The following SCRN1 variants were observed in gnomAD, a reference collection of about 807,000 sequenced individuals.
The protein encoded by SCRN1 is secernin-1.
In SCRN1, 19 loss-of-function variants were observed where a neutral mutation model predicts 43.3. That is an observed-to-expected ratio of 0.44 (90% confidence interval 0.31 to 0.64). The LOEUF is 0.64. Ranked by LOEUF, SCRN1 falls within the 30% of genes least tolerant of loss-of-function variation. SCRN1 has a pLI of 0.09. For missense variants in SCRN1, 447 were observed against 524.1 expected (o/e 0.85, Z 1.44); for synonymous variants, 183 against 188.9 (o/e 0.97, Z 0.26).
intron 6 of SCRN1, among the ~76,000 whole-genome samples, chr7:29,929,973 A>G (rs1787104692): frequency 6.6e-6 from 1 of 151,920 alleles, no homozygotes; most frequent in African/African-American, 2.4e-5. Context: ...GAGAAGAGAT[A>G]CCATAAGTTT....
intron 5 of SCRN1, among the ~76,000 whole-genome samples, chr7:29,940,000 A>T (rs75155421): frequency 6.6e-6 from 1 of 151,946 alleles, no homozygotes; most frequent in African/African-American, 2.4e-5. Context: ...AAAAAAAAAA[A>T]TTAGCCAGAA....
intron 2 of SCRN1, among the ~76,000 whole-genome samples, chr7:29,961,058 C>CT (rs200892857): frequency 3.3e-3 from 434 of 131,638 alleles, no homozygotes; most frequent in African/African-American, 7.9e-3. Flanking sequence ...GATCTTATTT[C>CT]TTTTTTTTTT....
At chr7:29,945,908 G>C (rs1183012796) in intron 3 of SCRN1, among the ~76,000 whole-genome samples, 1 of 152,294 alleles carries the variant, frequency 6.6e-6, no homozygotes, top group African/African-American at 2.4e-5. Flanking sequence ...TACTACAATG[G>C]TGGTACAAGC....
intron 1 of SCRN1, among the ~76,000 whole-genome samples, chr7:29,972,046 C>T (rs375281234): frequency 1.3e-5 from 2 of 152,156 alleles, no homozygotes; most frequent in Admixed American, 6.5e-5. Context: ...CCCATTTTCA[C>T]AAAAACGGCT....
At chr7:29,966,672 G>A (rs554688438) in intron 2 of SCRN1, among the ~76,000 whole-genome samples, 3 of 152,240 alleles carry the variant, frequency 2.0e-5, no homozygotes, top group Non-Finnish European at 2.9e-5. Flanking sequence ...TCACCTATAC[G>A]AAAGGAAAAT....
At chr7:29,988,560 T>G (rs1046792017) in intron 1 of SCRN1, 1 of 152,488 alleles carries the variant, frequency 6.6e-6, no homozygotes, top group Admixed American at 6.5e-5. Flanking sequence ...GCCTGGCCTA[T>G]TTTTCATGCT....
intron 2 of SCRN1, among the ~76,000 whole-genome samples, chr7:29,959,955 GGGGA>G (rs1473013569): frequency 6.7e-6 from 1 of 148,426 alleles, no homozygotes; most frequent in African/African-American, 2.5e-5. Flanking sequence ...AAGAAAGTGG[GGGGA>G]GGGAGGGAGG....
chr7:29,945,530 G>T (rs1443734658), intron 3 of SCRN1, among the ~76,000 whole-genome samples: 1 of 152,194 alleles, frequency 6.6e-6, no homozygotes, highest in Admixed American at 6.5e-5. Flanking sequence ...TTTAGTTGTT[G>T]TAAGAGTAGG....
At chr7:29,974,723 G>A (rs1386520240) in intron 1 of SCRN1, among the ~76,000 whole-genome samples, 7 of 137,746 alleles carry the variant, frequency 5.1e-5, no homozygotes, top group African/African-American at 1.7e-4. Flanking sequence ...TTGCTCTGTC[G>A]CCCAGGCTGG....
chr7:29,982,092 A>G (rs1398565124), intron 1 of SCRN1, among the ~76,000 whole-genome samples: 1 of 152,180 alleles, frequency 6.6e-6, no homozygotes, highest in African/African-American at 2.4e-5. Flanking sequence ...GGGCTCTTCC[A>G]TTGGTTTGTT....
intron 2 of SCRN1, among the ~76,000 whole-genome samples, chr7:29,966,137 C>T (rs10235551): frequency 1.7e-5 from 1 of 60,270 alleles, no homozygotes; most frequent in Admixed American, 1.5e-4. Context: ...GAGAGAGAGA[C>T]AGAGAGAGAG....
chr7:29,936,645 G>A lies in SCRN1; in HGVS notation c.816C>T (p.Phe272=). ...CAGACACTCCACTGGCTGTGGTGAG[G>A]AAAAACTCAGAGTCTATGCACACTC... ...ASGVCIDSEF[F]LTTASGVSVL... is the part of the protein sequence containing the mutation. Residue 272 remains phenylalanine (F), a synonymous_variant, in exon 6 of 8, where the codon TTC becomes TTT. Transcript: ENST00000242059. 6.2e-7 allele frequency: 1 copy of A among 1,607,782 alleles called. No homozygotes were observed. The highest frequency in any genetic ancestry group is 8.5e-7 in the Non-Finnish European group (1 of 1,175,012).
At chr7:29,929,699 T>G (rs1274129902) in intron 6 of SCRN1, among the ~76,000 whole-genome samples, 2 of 152,266 alleles carry the variant, frequency 1.3e-5, no homozygotes, top group African/African-American at 4.8e-5. Flanking sequence ...GTTTTCCCTC[T>G]CTGGCTCTCA....
Position 29,923,800 on chromosome 7 carries a change from T to A in SCRN1, c.*157A>T. 1 of 778,328 alleles carries A rather than the reference T, an allele frequency of 1.3e-6. No individual in the cohort carries two copies. Among genetic ancestry groups the A allele is most frequent in the South Asian group, 1.7e-5 (1 of 58,028 alleles). 48.2% of individuals were successfully genotyped at this position (778,328 alleles called of 1,614,324 possible). ...CATTGCAGAAGGGGACGCTGTGAGA[T>A]TCAAGGTGGAACACAAGGTAACAGT... On this transcript the variant is annotated 3_prime_UTR_variant, in exon 8 of 8. Coordinates refer to ENST00000242059, the MANE Select transcript of SCRN1 (RefSeq NM_014766.5).
At chr7:29,946,595 C>T (rs1787745955) in intron 3 of SCRN1, among the ~76,000 whole-genome samples, 1 of 152,204 alleles carries the variant, frequency 6.6e-6, no homozygotes. Flanking sequence ...TTGCATTCCA[C>T]ACTGAGGCCC....
chr7:29,929,023 C>T (rs7812020), intron 6 of SCRN1, among the ~76,000 whole-genome samples: 5,181 of 152,314 alleles, frequency 0.034, 110 homozygotes, highest in African/African-American at 0.067. Context: ...TGTCTCCAGG[C>T]TACCTCTGGG....
chr7:29,944,124 A>T lies in SCRN1; in HGVS notation c.397T>A (p.Leu133Met), dbSNP rs750210495. 2.5e-6 allele frequency: 4 copies of T among 1,614,240 alleles called. No individual in the cohort carries two copies. Among genetic ancestry groups the T allele is most frequent in the Non-Finnish European group, 3.4e-6 (4 of 1,180,036 alleles). The change falls in exon 4 of 8, where the codon TTG (leucine) becomes ATG (methionine). Residue 133 changes from leucine to methionine, a missense_variant. Coordinates refer to ENST00000242059, the MANE Select transcript of SCRN1 (RefSeq NM_014766.5). ...AKEALDVIVS[L>M]LEEHGQGGNY... Reference sequence around the variant, plus strand: ...CCACCTTGTCCATGTTCTTCCAACAAGGAGACAATGACATCTAAGGCTTCT... The same window carrying T: ...CCACCTTGTCCATGTTCTTCCAACATGGAGACAATGACATCTAAGGCTTCT...
intron 3 of SCRN1, among the ~76,000 whole-genome samples, chr7:29,946,545 T>C (rs1313207202): frequency 1.3e-5 from 2 of 152,260 alleles, no homozygotes; most frequent in African/African-American, 4.8e-5. Flanking sequence ...GTGACTTATC[T>C]TTTTTGATTT....
intron 2 of SCRN1, among the ~76,000 whole-genome samples, chr7:29,959,052 T>C (rs1788224295): frequency 6.6e-6 from 1 of 151,948 alleles, no homozygotes; most frequent in Non-Finnish European, 1.5e-5. Context: ...ACGTCGAAAA[T>C]GAAAAGAAAG....
Sources: gnomAD v4.1 joint callset for allele counts (sites outside exome capture counted in the v4.1 genomes callset) on GRCh38, gnomAD v4.1.1 for gene constraint, MANE v1.5 for transcripts, NCBI Gene and HGNC (gene_info 2026-07-23, HGNC 2026-07-21) for gene names.